SDR42E2: variants seen among roughly 807,000 people sequenced by gnomAD.
SDR42E2 encodes putative short-chain dehydrogenase/reductase family 42E member 2.
Under a neutral mutation model 10.5 loss-of-function variants are expected in SDR42E2, and 20 were observed. That is an observed-to-expected ratio of 1.90 (90% CI 1.34 to 2.77). The LOEUF is 2.77. Among genes scored for constraint, SDR42E2 ranks in the 30% most tolerant of loss-of-function variants. The probability of loss-of-function intolerance (pLI) is 0.00; values close to 1 mark genes in which losing one functional copy is unlikely to be tolerated. For missense variants in SDR42E2, 162 were observed against 104.2 expected, an observed-to-expected ratio of 1.55 and a Z score of -2.42; for synonymous variants, 72 against 39.2, an observed-to-expected ratio of 1.84 and a Z score of -3.12.
chr16:22,189,899 G>T (rs947202416), intron 12 of SDR42E2, among the ~76,000 whole-genome samples: 2 of 152,194 alleles, frequency 1.3e-5, no homozygotes, highest in African/African-American at 2.4e-5. Context: ...CGAATTCAGC[G>T]GGGCTGGAGG....
intron 12 of SDR42E2, among the ~76,000 whole-genome samples, chr16:22,188,428 C>T (rs1267310966): frequency 6.6e-6 from 1 of 152,192 alleles, no homozygotes; most frequent in African/African-American, 2.4e-5. Flanking sequence ...ATGCCAGGCA[C>T]TGTGCTTTAT....
chr16:22,188,724 T>G (rs1196731575), intron 12 of SDR42E2, among the ~76,000 whole-genome samples: 1 of 152,196 alleles, frequency 6.6e-6, no homozygotes, highest in African/African-American at 2.4e-5. Context: ...TCAGGGGCAA[T>G]GTCCTTAACT....
chr16:22,174,573 CCCTGGGCCAGTTAGG>C (rs2046628759), intron 7 of SDR42E2, among the ~76,000 whole-genome samples: 1 of 149,564 alleles, frequency 6.7e-6, no homozygotes, highest in African/African-American at 2.4e-5. Context: ...CTCCCCATCA[CCCTGGGCCAGTTAGG>C]CCTGGACCCC....
Position 22,190,792 on chromosome 16 carries a change from T to G in SDR42E2, c.*399T>G. The G allele has an allele frequency of 4.6e-5, 8 of 173,882 alleles. No individual in the cohort carries two copies. Among genetic ancestry groups the G allele is most frequent in the Non-Finnish European group, 8.5e-5 (7 of 82,750 alleles). The allele number at this position is 173,882 out of a possible 1,614,324, so 10.8% of individuals were successfully genotyped here. A position where few individuals can be genotyped will look rare whatever the true frequency, so the allele number is the denominator to read the frequency against. ...CGCCCTTCAAATTGGGCACGCCTTC[T>G]TCCCCGCTCACTGATTTCCTGGCCT... is the stretch of plus-strand genomic sequence containing the variant. On this transcript the variant is annotated 3_prime_UTR_variant, in exon 13 of 13. Transcript: ENST00000602312.
At chr16:22,179,191 G>A (rs565110895) in intron 8 of SDR42E2, among the ~76,000 whole-genome samples, 1 of 152,122 alleles carries the variant, frequency 6.6e-6, no homozygotes, top group Admixed American at 6.6e-5. Flanking sequence ...GTCTCCTTAT[G>A]TTGCCCAAGC....
chr16:22,177,369 G>T (rs749863797), intron 7 of SDR42E2, among the ~76,000 whole-genome samples: 4 of 152,140 alleles, frequency 2.6e-5, no homozygotes, highest in Non-Finnish European at 5.9e-5. Context: ...GCTCATGCCT[G>T]TAATACTAGC....
chr16:22,167,012 C>G lies in SDR42E2; in HGVS notation c.336+13C>G. On this transcript the variant is annotated intron_variant, in intron 4 of 12. Coordinates refer to ENST00000602312, the MANE Select transcript of SDR42E2 (RefSeq NM_001394319.2). ...CGGGGCTGAGAAGGTGGGCTCCTCACACACAACACCTGGAGTTAGACAGAG... is the reference window on the plus strand; with the variant it reads ...CGGGGCTGAGAAGGTGGGCTCCTCAGACACAACACCTGGAGTTAGACAGAG... 1.4e-6 allele frequency: 1 copy of G among 701,960 alleles called. No homozygotes were observed. The highest frequency in any genetic ancestry group is 2.6e-6 in the Non-Finnish European group (1 of 384,422). The allele number at this position is 701,960 out of a possible 1,614,324, so 43.5% of individuals were successfully genotyped here.
chr16:22,166,163 C>T, intron 2 of SDR42E2, 87 bp from the exon 3 acceptor site: 1 of 439,364 alleles, frequency 2.3e-6, no homozygotes, highest in Non-Finnish European at 4.0e-6. Context: ...GCTGGGTCTA[C>T]ACCTGAGCCA....
chr16:22,167,106 G>A (rs183563827), intron 4 of SDR42E2, 107 bp downstream of exon 4: 19 of 522,722 alleles, frequency 3.6e-5, no homozygotes, highest in African/African-American at 2.1e-4. Context: ...ATTATAGGAG[G>A]GACTTGGGCT....
intron 7 of SDR42E2, among the ~76,000 whole-genome samples, chr16:22,177,856 T>C (rs1598139384): frequency 9.2e-6 from 1 of 108,986 alleles, no homozygotes; most frequent in Non-Finnish European, 1.7e-5. Flanking sequence ...CTGTGAGCAA[T>C]GGGAGGGCAG....
chr16:22,178,688 A>G (rs531685152), intron 8 of SDR42E2, among the ~76,000 whole-genome samples: 1 of 152,300 alleles, frequency 6.6e-6, no homozygotes, highest in Admixed American at 6.5e-5. Flanking sequence ...CTGTGGAGAG[A>G]GGAGCACAAG....
At chr16:22,176,789 AC>A (rs2046648224) in intron 7 of SDR42E2, among the ~76,000 whole-genome samples, 1 of 152,192 alleles carries the variant, frequency 6.6e-6, no homozygotes, top group Non-Finnish European at 1.5e-5. Flanking sequence ...GTAACCCCAG[AC>A]CGCCCCAGGA....
intron 11 of SDR42E2, among the ~76,000 whole-genome samples, chr16:22,185,667 G>C (rs2046731562): frequency 6.6e-6 from 1 of 152,058 alleles, no homozygotes; most frequent in South Asian, 2.1e-4. Context: ...GAGTGCAGTG[G>C]CATGATCATA....
chr16:22,167,066 C>T (rs911352802), intron 4 of SDR42E2, 67 bp downstream of exon 4: 39 of 667,402 alleles, frequency 5.8e-5, no homozygotes, highest in Middle Eastern at 2.4e-4. Context: ...TCTGCCCTCA[C>T]ACCCATGCAT....
At position 22,186,794 on chromosome 16, in the gene SDR42E2, G is replaced by C; in HGVS notation, c.1014G>C (p.Glu338Asp). Residue 338 changes from glutamate to aspartate, a missense_variant and splice_region_variant, in exon 12 of 13, where the codon GAG becomes GAC. Glu to Asp is a conservative substitution (Grantham distance 45). Transcript: ENST00000602312. ...CSLPPLLTRS[E>D]VRSVAVTHTF... ...TCCCACCGCTGCTCACTCGTAGTGA[G>C]GTAAGTGGGCTGCTGTTATGGGACC... 1 of 392,274 alleles carries C rather than the reference G, an allele frequency of 2.5e-6. No individual in the cohort carries two copies. Among genetic ancestry groups the C allele is most frequent in the Non-Finnish European group, 4.5e-6 (1 of 223,396 alleles). The allele number at this position is 392,274 out of a possible 1,614,324, so 24.3% of individuals were successfully genotyped here. A position where few individuals can be genotyped will look rare whatever the true frequency, so the allele number is the denominator to read the frequency against.
rs564814350 is a variant in SDR42E2, at chr16:22,174,854, C to T, written c.589+2523C>T. Among the ~76,000 whole-genome samples the T allele has an allele frequency of 1.8e-4, 27 of 152,256 alleles. No homozygotes were observed. In the East Asian group the frequency reaches 4.4e-3, roughly 25 times the overall value. ...CGTCAGCTGCAACCCGACCTCCCCC[C>T]ACTATGCCCAGGTGACCCAGAGTTT... On this transcript the variant is annotated intron_variant, in intron 7 of 12. Transcript: ENST00000602312.
chr16:22,189,154 G>C (rs1015271436), intron 12 of SDR42E2, among the ~76,000 whole-genome samples: 3 of 152,088 alleles, frequency 2.0e-5, no homozygotes, highest in Admixed American at 6.6e-5. Flanking sequence ...GAAAAAAAGG[G>C]ACAAATACTG....
intron 11 of SDR42E2, among the ~76,000 whole-genome samples, chr16:22,185,705 T>C (rs1326138775): frequency 1.3e-5 from 2 of 151,888 alleles, no homozygotes; most frequent in Non-Finnish European, 2.9e-5. Context: ...CCTCCTGGGC[T>C]CAAGCAATTC....
At chr16:22,169,937 C>T (rs1311043019) in intron 5 of SDR42E2, among the ~76,000 whole-genome samples, 1 of 152,126 alleles carries the variant, frequency 6.6e-6, no homozygotes, top group African/African-American at 2.4e-5. Context: ...GAGGCTGAGG[C>T]AGGAGAATCG....
Sources: allele counts gnomAD v4.1 joint callset (sites outside exome capture counted in the v4.1 genomes callset), GRCh38; gene constraint gnomAD v4.1.1; transcripts MANE v1.5; gene names NCBI Gene and HGNC (gene_info 2026-07-23, HGNC 2026-07-21).